The following PCDHA1 variants were observed in gnomAD, a reference collection of about 807,000 sequenced individuals.
The protein encoded by PCDHA1 is protocadherin alpha 1.
A neutral mutation model predicts 61.3 loss-of-function variants in PCDHA1; 42 were observed. The observed-to-expected ratio is 0.69, with a 90% CI of 0.54 to 0.89. The LOEUF (loss-of-function observed/expected upper bound fraction) is 0.89, where lower values mean the gene tolerates loss of function less well. Among genes scored for constraint, PCDHA1 ranks in the 40% least tolerant of loss-of-function variants. PCDHA1 has a pLI of 0.00. For missense variants in PCDHA1, 1,256 were observed against 1,235.3 expected (o/e 1.02, Z -0.25); for synonymous variants, 610 against 553.8 (o/e 1.10, Z -1.43).
intron 1 of PCDHA1, among the ~76,000 whole-genome samples, chr5:140,976,550 C>CATAA (rs782672542): frequency 1.5e-4 from 23 of 152,064 alleles, no homozygotes; most frequent in African/African-American, 4.6e-4. Flanking sequence ...GACCCTATCT[C>CATAA]ATAAATAAAT....
chr5:140,910,858 T>C (rs947258615), intron 1 of PCDHA1, among the ~76,000 whole-genome samples: 3 of 152,190 alleles, frequency 2.0e-5, no homozygotes, highest in Non-Finnish European at 4.4e-5. Context: ...CTATGTTCCA[T>C]CCACCATTAT....
rs1301631971 is a variant in PCDHA1, at chr5:141,011,367, C to G, written c.*1430C>G. ...CAATCTCCCATATGTATGCTGTATG[C>G]TATGCTAAGACTCCTGAAATATACT... On this transcript the variant is annotated 3_prime_UTR_variant, in exon 4 of 4. Transcript: ENST00000504120. The G allele has an allele frequency of 1.3e-5, 2 of 153,830 alleles. No homozygotes were observed. The highest frequency in any genetic ancestry group is 1.3e-4 in the Admixed American group (2 of 15,298). 9.5% of individuals were successfully genotyped at this position (153,830 alleles called of 1,614,324 possible). A position where few individuals can be genotyped will look rare whatever the true frequency, so the allele number is the denominator to read the frequency against.
rs2150226438 is a variant in PCDHA1, at chr5:140,834,780, T to A, written c.2394+46096T>A. ...GGACATTAACGACAACCCTCCGGTGTTCCCAGCGACACAAAGGAATCTGTT... is the reference window on the plus strand; with the variant it reads ...GGACATTAACGACAACCCTCCGGTGATCCCAGCGACACAAAGGAATCTGTT... On this transcript the variant is annotated intron_variant, in intron 1 of 3. Coordinates refer to ENST00000504120, the MANE Select transcript of PCDHA1 (RefSeq NM_018900.4). 3.1e-6 allele frequency: 5 copies of A among 1,613,846 alleles called. No homozygotes were observed. The South Asian group carries it at 3.3e-5, about 11-fold the overall frequency.
intron 1 of PCDHA1, chr5:140,796,089 G>A: frequency 6.2e-7 from 1 of 1,614,136 alleles, no homozygotes; most frequent in Non-Finnish European, 8.5e-7. Flanking sequence ...TCACGGTGTC[G>A]GATCGCGACT....
chr5:140,823,797 G>C, intron 1 of PCDHA1: 1 of 1,613,840 alleles, frequency 6.2e-7, no homozygotes, highest in Non-Finnish European at 8.5e-7. Flanking sequence ...GTGGCCAGGC[G>C]CCGAAGGCCT....
At position 140,842,761 on chromosome 5, in the gene PCDHA1, A is replaced by G. The variant is rs200442158; in HGVS notation, c.2394+54077A>G. ...GCCACATCTTCACGGTGTCTGCGCG[A>G]GACGCGGACGCGCAGGAGAACGCGC... On this transcript the variant is annotated intron_variant, in intron 1 of 3. Coordinates refer to ENST00000504120, the MANE Select transcript of PCDHA1 (RefSeq NM_018900.4). 1.6e-5 allele frequency: 26 copies of G among 1,594,610 alleles called. 2 individuals are homozygous for G. The highest frequency in any genetic ancestry group is 4.5e-5 in the East Asian group (2 of 44,836).
chr5:140,815,351 T>A (rs2126663631), intron 1 of PCDHA1: 1 of 152,224 alleles, frequency 6.6e-6, no homozygotes, highest in South Asian at 2.1e-4. Flanking sequence ...CTTTTGTATA[T>A]CTTCCATAGG....
intron 1 of PCDHA1, among the ~76,000 whole-genome samples, chr5:140,975,395 C>T (rs2096665697): frequency 6.6e-6 from 1 of 152,246 alleles, no homozygotes; most frequent in Admixed American, 6.5e-5. Flanking sequence ...AGATCCATCA[C>T]AATCACAGTC....
At chr5:140,967,298 G>A in intron 1 of PCDHA1, 1 of 1,612,692 alleles carries the variant, frequency 6.2e-7, no homozygotes, top group Non-Finnish European at 8.5e-7. Flanking sequence ...CCCCGACGTG[G>A]GCGCCAACTC....
chr5:140,833,027 G>C (rs1455283039), intron 1 of PCDHA1, among the ~76,000 whole-genome samples: 3 of 152,186 alleles, frequency 2.0e-5, no homozygotes, highest in Non-Finnish European at 4.4e-5. Flanking sequence ...CCATAAGAGA[G>C]AGTGTGATAT....
At chr5:140,982,447 C>G (rs782801484) in intron 2 of PCDHA1, 28 bp from the exon 3 acceptor site, 1 of 1,613,782 alleles carries the variant, frequency 6.2e-7, no homozygotes, top group South Asian at 1.1e-5. Flanking sequence ...ATGATCTAAC[C>G]GTTATCTGGG....
At chr5:140,971,372 A>G (rs1554233263) in intron 1 of PCDHA1, among the ~76,000 whole-genome samples, 1 of 152,214 alleles carries the variant, frequency 6.6e-6, no homozygotes, top group Non-Finnish European at 1.5e-5. Flanking sequence ...AGGAGAGTGC[A>G]TGACTTTAAT....
intron 1 of PCDHA1, among the ~76,000 whole-genome samples, chr5:140,952,816 C>T (rs2094802630): frequency 6.6e-6 from 1 of 152,134 alleles, no homozygotes; most frequent in South Asian, 2.1e-4. Context: ...GCAGGCTGTA[C>T]AGGAAGCATG....
At chr5:140,928,669 A>C in intron 1 of PCDHA1, 1 of 1,614,160 alleles carries the variant, frequency 6.2e-7, no homozygotes, top group Non-Finnish European at 8.5e-7. Flanking sequence ...CAGTGGTTCT[A>C]ATGCCTGGCT....
rs1763929295 is a variant in PCDHA1 at position 140,807,415 on chromosome 5, G to A, written c.2394+18731G>A. The A allele has an allele frequency of 1.9e-6, 3 of 1,591,566 alleles. No homozygotes were observed. In the Admixed American group the frequency reaches 5.2e-5, roughly 28 times the overall value. ...CCAAGGGCCGCGGAGGCCTTCTGGA[G>A]GTAAATCTGCAGAATGGCATTTTGT... On this transcript the variant is annotated intron_variant, in intron 1 of 3. Coordinates refer to ENST00000504120, the MANE Select transcript of PCDHA1 (RefSeq NM_018900.4).
chr5:140,875,134 T>G (rs2055288976), intron 1 of PCDHA1, among the ~76,000 whole-genome samples: 1 of 152,238 alleles, frequency 6.6e-6, no homozygotes, highest in Admixed American at 6.5e-5. Flanking sequence ...TAAACCCGCA[T>G]TTATAAATGA....
intron 1 of PCDHA1, among the ~76,000 whole-genome samples, chr5:140,972,284 T>A (rs113618936): frequency 3.6e-4 from 55 of 150,874 alleles, no homozygotes; most frequent in African/African-American, 1.3e-3. Context: ...GGACCATAGA[T>A]GTGCGCCACC....
chr5:140,841,833 G>A (rs2150323883), intron 1 of PCDHA1: 2 of 1,613,938 alleles, frequency 1.2e-6, no homozygotes, highest in South Asian at 2.2e-5. Context: ...TTAACCTACA[G>A]GCTTAGCTCT....
intron 1 of PCDHA1, chr5:140,857,003 G>C: frequency 6.3e-7 from 1 of 1,595,436 alleles, no homozygotes; most frequent in Non-Finnish European, 8.6e-7. Context: ...TGAAATTCAT[G>C]TAGATGTTAC....
Sources: gnomAD v4.1 joint callset for allele counts (sites outside exome capture counted in the v4.1 genomes callset) on GRCh38, gnomAD v4.1.1 for gene constraint, MANE v1.5 for transcripts, NCBI Gene and HGNC (gene_info 2026-07-23, HGNC 2026-07-21) for gene names.